SLX4: variants seen among roughly 807,000 people sequenced by gnomAD.
SLX4 encodes the protein SLX4 structure-specific endonuclease subunit.
In SLX4, 112 loss-of-function variants were observed where a neutral mutation model predicts 146.2. That is an observed-to-expected ratio of 0.77 (90% CI 0.66 to 0.90). The LOEUF (loss-of-function observed/expected upper bound fraction) is 0.90. Among genes scored for constraint, SLX4 ranks in the 40% least tolerant of loss-of-function variants. The probability of loss-of-function intolerance (pLI) is 0.00; values close to 1 mark genes in which losing one functional copy is unlikely to be tolerated. For synonymous variants in SLX4, 1,061 were observed against 997.7 expected, an observed-to-expected ratio of 1.06 and a Z score of -1.20; for missense variants, 2,563 against 2,392.7, an observed-to-expected ratio of 1.07 and a Z score of -1.49.
At chr16:3,582,811 G>A (rs756341015) in intron 14 of SLX4, 118 bp from the exon 15 acceptor site, 42 of 1,005,608 alleles carry the variant, frequency 4.2e-5, no homozygotes, top group South Asian at 8.2e-5. Flanking sequence ...CCTGTGGCAC[G>A]ATCCCCAGCA....
chr16:3,583,031 C>T (rs1198162917), intron 14 of SLX4, 66 bp downstream of exon 14: 44 of 1,591,516 alleles, frequency 2.8e-5, no homozygotes, highest in Non-Finnish European at 3.7e-5. Context: ...TCACTCGTGC[C>T]AACCCTCACG....
Position 3,606,669 on chromosome 16 carries a change from G to A in SLX4, c.565C>T (p.Pro189Ser), listed in dbSNP as rs757069991. 6.8e-6 allele frequency: 11 copies of A among 1,614,220 alleles called. No homozygotes were observed. Among genetic ancestry groups the A allele is most frequent in the Non-Finnish European group, 8.5e-6 (10 of 1,180,052 alleles). Residue 189 changes from proline (P) to serine (S), a missense_variant, in exon 3 of 15, where the codon CCT (proline) becomes TCT (serine). Physicochemically the swap from Pro to Ser is moderately conservative, Grantham distance 74. Coordinates refer to ENST00000294008, the MANE Select transcript of SLX4 (RefSeq NM_032444.4). Reference protein sequence around the residue: ...ENVPNSDSQPPPSCLTTAVPS... With the variant: ...ENVPNSDSQPSPSCLTTAVPS... Reference sequence around the variant, plus strand: ...ACTGCTGTTGTCAAACAGGAAGGAGGAGGCTGGGAGTCGCTGTTGGGCACA... The same window carrying A: ...ACTGCTGTTGTCAAACAGGAAGGAGAAGGCTGGGAGTCGCTGTTGGGCACA...
intron 11 of SLX4, 49 bp downstream of exon 11, chr16:3,592,650 C>T (rs1051081784): frequency 6.3e-7 from 1 of 1,588,178 alleles, no homozygotes; most frequent in Admixed American, 1.8e-5. Flanking sequence ...GAGCTGTTAA[C>T]CTGCCAGTCC....
intron 5 of SLX4, among the ~76,000 whole-genome samples, chr16:3,598,927 C>T (rs974650525): frequency 1.8e-4 from 27 of 152,174 alleles, no homozygotes; most frequent in Admixed American, 1.6e-3. Flanking sequence ...CCGGGGCATG[C>T]GTTCTGATGA....
chr16:3,611,223 G>T (rs1003843172), intron 1 of SLX4, among the ~76,000 whole-genome samples: 1 of 152,218 alleles, frequency 6.6e-6, no homozygotes, highest in Non-Finnish European at 1.5e-5. Context: ...CTACGGAAAG[G>T]GGCTGAGGGG....
At position 3,596,218 on chromosome 16, in the gene SLX4, C is replaced by G; in HGVS notation, c.1859G>C (p.Arg620Thr). 6.4e-7 allele frequency: 1 copy of G among 1,550,886 alleles called. No homozygotes were observed. Among genetic ancestry groups the G allele is most frequent in the African/African-American group, 1.4e-5 (1 of 73,360 alleles). ...QALQDLVDLAREGLSASPWPG... is the reference protein window; with the variant it reads ...QALQDLVDLATEGLSASPWPG... Reference sequence around the variant, plus strand: ...CCACGGGCTGGCGCTCAGTCCCTCCCTCGCCAGGTCCACGAGGTCCTGCAG... The same window carrying G: ...CCACGGGCTGGCGCTCAGTCCCTCCGTCGCCAGGTCCACGAGGTCCTGCAG... Residue 620 changes from arginine (R) to threonine (T), a missense_variant, in exon 8 of 15, where the codon AGG becomes ACG. Transcript: ENST00000294008.
chr16:3,605,797 A>T (rs1325108655), intron 3 of SLX4, among the ~76,000 whole-genome samples: 3 of 151,646 alleles, frequency 2.0e-5, no homozygotes, highest in Non-Finnish European at 4.4e-5. Flanking sequence ...AATACAAAAA[A>T]TTAGCCAGGC....
At chr16:3,600,008 T>C (rs1004497071) in intron 5 of SLX4, among the ~76,000 whole-genome samples, 2 of 152,152 alleles carry the variant, frequency 1.3e-5, no homozygotes, top group Middle Eastern at 3.2e-3. Flanking sequence ...ACTACCAAAT[T>C]CTTAGATGTG....
At position 3,597,381 on chromosome 16, in the gene SLX4, G is replaced by C. The variant is rs2040672277; in HGVS notation, c.1681C>G (p.Gln561Glu). ...VPPLVPQRPA[Q>E]GLMQEPVPPL... ...TGTGCCTGAGGGGAGGGACTCACCT[G>C]GGCAGGCCGCTGGGGCACGAGAGGA... Residue 561 changes from glutamine to glutamate, a missense_variant and splice_region_variant, in exon 7 of 15, where the codon CAG becomes GAG. Transcript: ENST00000294008. The surrounding 1 kb of genome is among the most constrained non-coding windows in gnomAD (Gnocchi z 4.4). 1 of 1,564,536 alleles carries C rather than the reference G, an allele frequency of 6.4e-7. No individual in the cohort carries two copies. Among genetic ancestry groups the C allele is most frequent in the South Asian group, 1.2e-5 (1 of 84,316 alleles).
intron 4 of SLX4, chr16:3,601,554 C>A (rs144202862): frequency 2.8e-6 from 1 of 356,996 alleles, no homozygotes; most frequent in African/African-American, 2.1e-5. Flanking sequence ...TCCAAATGTC[C>A]GCCAATGGAC....
rs777827381 is a variant in SLX4 at position 3,598,051 on chromosome 16, C to T, written c.1164-52G>A. 5.0e-6 allele frequency: 8 copies of T among 1,608,906 alleles called. No homozygotes were observed. In the East Asian group the frequency reaches 1.8e-4, roughly 36 times the overall value. On this transcript the variant is annotated intron_variant, in intron 5 of 14. Coordinates refer to ENST00000294008, the MANE Select transcript of SLX4 (RefSeq NM_032444.4). Reference sequence around the variant, plus strand: ...ACTGGGGCTAGAGGAGTGCACGCTTCTCAGGTTGGTCACACTGGTCTGGAG... The same window carrying T: ...ACTGGGGCTAGAGGAGTGCACGCTTTTCAGGTTGGTCACACTGGTCTGGAG...
chr16:3,589,916 C>T lies in SLX4; in HGVS notation c.3722G>A (p.Arg1241His), dbSNP rs773723496. 23 of 1,613,796 alleles carry T rather than the reference C, an allele frequency of 1.4e-5. No homozygotes were observed. The highest frequency in any genetic ancestry group is 1.6e-4 in the Middle Eastern group (1 of 6,084). ...GCTGGCCTCGCTGGGGCTGCTCTCA[C>T]GGTCACAGAACAGCCAGGGAGCCCC... ...RRGAPWLFCD[R>H]ESSPSEASTT... Residue 1241 changes from arginine to histidine, a missense_variant, in exon 12 of 15, where the codon CGT becomes CAT. Physicochemically the swap from Arg to His is conservative, Grantham distance 29. Transcript: ENST00000294008. The surrounding 1 kb of genome is among the most constrained non-coding windows in gnomAD (Gnocchi z 6.2).
chr16:3,608,610 TA>T lies in SLX4; in HGVS notation c.354del (p.Arg119GlyfsTer7). 2 of 1,614,134 alleles carry T rather than the reference TA, an allele frequency of 1.2e-6. No homozygotes were observed. The highest frequency in any genetic ancestry group is 1.7e-6 in the Non-Finnish European group (2 of 1,180,024). On this transcript the variant is annotated frameshift_variant, in exon 2 of 15. Transcript: ENST00000294008. LOFTEE classifies it high-confidence loss of function. The part of the protein sequence containing the change: ...EKKPPSGSQA[P>X]RTKKQRVTKW... Reference sequence around the variant, plus strand: ...TTGGTTACCCTTTGCTTTTTAGTCCTAGGGGCCTGGCTGCCAGACGGAGGTT... The same window carrying T: ...TTGGTTACCCTTTGCTTTTTAGTCCTGGGGCCTGGCTGCCAGACGGAGGTT...
At position 3,597,978 on chromosome 16, in the gene SLX4, A is replaced by T. The variant is rs1239435004; in HGVS notation, c.1185T>A (p.Gly395=). ...PMFSFSDHSR[G]LKRRGPTSKK... ...TGCTGGTGGGTCCTCTCCGTTTCAG[A>T]CCTCTACTGTGATCACTGAAGCTAG... Residue 395 remains glycine, a synonymous_variant, in exon 6 of 15, where the codon GGT becomes GGA. Coordinates refer to ENST00000294008, the MANE Select transcript of SLX4 (RefSeq NM_032444.4). This position sits in a 1 kb window ranked among gnomAD's most constrained non-coding sequence, Gnocchi z 4.4. 1.2e-6 allele frequency: 2 copies of T among 1,613,982 alleles called. No homozygotes were observed. The highest frequency in any genetic ancestry group is 1.1e-5 in the South Asian group (1 of 91,076).
In SLX4 at chr16:3,589,605, G is replaced by A. The variant is rs200310925; in HGVS notation, c.4033C>T (p.Arg1345Cys). 78 of 1,613,832 alleles carry A rather than the reference G, an allele frequency of 4.8e-5. No homozygotes were observed. The African/African-American group carries it at 5.1e-4, about 10-fold the overall frequency. ...GRRQGHRSPS[R>C]PHPGGHPHSS... ...TGCGGGTGGCCCCCGGGGTGGGGACGGGAAGGGCTTCTGTGGCCTTGCCTT... is the reference window on the plus strand; with the variant it reads ...TGCGGGTGGCCCCCGGGGTGGGGACAGGAAGGGCTTCTGTGGCCTTGCCTT... Residue 1345 changes from arginine (R) to cysteine (C), a missense_variant, in exon 12 of 15, where the codon CGT becomes TGT. Physicochemically the swap from Arg to Cys is radical, Grantham distance 180. Coordinates refer to ENST00000294008, the MANE Select transcript of SLX4 (RefSeq NM_032444.4). The surrounding 1 kb of genome is among the most constrained non-coding windows in gnomAD (Gnocchi z 6.2).
intron 11 of SLX4, among the ~76,000 whole-genome samples, chr16:3,592,186 C>T (rs954663950): frequency 6.6e-6 from 1 of 152,220 alleles, no homozygotes; most frequent in Non-Finnish European, 1.5e-5. Flanking sequence ...GACGCAGGCT[C>T]GGATCAGCGG....
intron 13 of SLX4, among the ~76,000 whole-genome samples, chr16:3,584,414 C>CTT (rs530000366): frequency 1.3e-5 from 2 of 152,060 alleles, no homozygotes; most frequent in Non-Finnish European, 2.9e-5. Context: ...GAGCAAGACT[C>CTT]TGTCTTTCAA....
chr16:3,596,418 G>C, intron 7 of SLX4, 25 bp from the exon 8 acceptor site: 1 of 1,572,894 alleles, frequency 6.4e-7, no homozygotes, highest in East Asian at 2.3e-5. Flanking sequence ...TAAGGAGAGT[G>C]ACCACGTGGT....
In SLX4 at chr16:3,604,839, T is replaced by C. The variant is rs1200983357; in HGVS notation, c.760+1635A>G. Among the ~76,000 whole-genome samples the C allele has an allele frequency of 2.0e-5, 3 of 149,546 alleles. No homozygotes were observed. The East Asian group carries it at 5.9e-4, about 29-fold the overall frequency. On this transcript the variant is annotated intron_variant, in intron 3 of 14. Coordinates refer to ENST00000294008, the MANE Select transcript of SLX4 (RefSeq NM_032444.4). ...CATCTCAAAAAAAAAAAAAAATGTATATTTATAAAGACATAAACAAATGGC... is the reference window on the plus strand; with the variant it reads ...CATCTCAAAAAAAAAAAAAAATGTACATTTATAAAGACATAAACAAATGGC...
Sources: allele counts gnomAD v4.1 joint callset (sites outside exome capture counted in the v4.1 genomes callset), GRCh38; gene constraint gnomAD v4.1.1; non-coding constraint Gnocchi (gnomAD v3.1); transcripts MANE v1.5; gene names NCBI Gene and HGNC (gene_info 2026-07-23, HGNC 2026-07-21).